SPDYE10: variants seen among roughly 807,000 people sequenced by gnomAD.
The protein encoded by SPDYE10 is speedy protein E10.
chr7:73,147,779 G>A, the SPDYE10 span, among the ~76,000 whole-genome samples: 3 of 150,378 alleles, frequency 2.0e-5, no homozygotes, highest in East Asian at 3.9e-4. Flanking sequence ...ACAGGCATAA[G>A]CCACCATACC....
chr7:73,120,787 CAA>C, the SPDYE10 span, among the ~76,000 whole-genome samples: 719 of 147,426 alleles, frequency 4.9e-3, no homozygotes, highest in Non-Finnish European at 6.4e-3. Context: ...GATTCTGTCT[CAA>C]AAAAAAAAAA....
chr7:73,149,517 A>G, the SPDYE10 span, among the ~76,000 whole-genome samples: 1 of 139,952 alleles, frequency 7.1e-6, no homozygotes, highest in Non-Finnish European at 1.5e-5. Context: ...TCAATCTCCT[A>G]ACCTTGTGAT....
At chr7:73,114,635 C>T in the SPDYE10 span, among the ~76,000 whole-genome samples, 9 of 140,040 alleles carry the variant, frequency 6.4e-5, no homozygotes, top group African/African-American at 1.3e-4. Context: ...CTCCCGGGTT[C>T]GAGCGATTCT....
chr7:73,115,138 C>T, the SPDYE10 span, among the ~76,000 whole-genome samples: 2 of 151,714 alleles, frequency 1.3e-5, no homozygotes, highest in Non-Finnish European at 1.5e-5. Flanking sequence ...TCAGATGAAC[C>T]ACCCGCCTCA....
the SPDYE10 span, among the ~76,000 whole-genome samples, chr7:73,118,150 CAAAA>C: frequency 0.2 from 1,247 of 6,086 alleles, 40 homozygotes; most frequent in East Asian, 0.37. Flanking sequence ...GACTCTCTGT[CAAAA>C]AAAAAAAAAA....
At chr7:73,125,286 T>C in the SPDYE10 span, among the ~76,000 whole-genome samples, 2 of 150,452 alleles carry the variant, frequency 1.3e-5, no homozygotes, top group South Asian at 4.1e-4. Context: ...CCCCTGCCCT[T>C]GACCTCCTCC....
At chr7:73,135,759 C>T in the SPDYE10 span, among the ~76,000 whole-genome samples, 3 of 53,358 alleles carry the variant, frequency 5.6e-5, no homozygotes, top group South Asian at 2.6e-3. Context: ...TTAGTAGAGA[C>T]GGGTTTTCAC....
At chr7:73,114,522 G>A in the SPDYE10 span, among the ~76,000 whole-genome samples, 3 of 149,884 alleles carry the variant, frequency 2.0e-5, no homozygotes, top group East Asian at 2.0e-4. Context: ...TCACTCTCCC[G>A]ATTTAAGCCC....
chr7:73,115,428 G>C, the SPDYE10 span, among the ~76,000 whole-genome samples: 4 of 151,736 alleles, frequency 2.6e-5, no homozygotes, highest in African/African-American at 9.7e-5. Flanking sequence ...GACACCTGGA[G>C]GGTGCCAGGC....
chr7:73,127,683 C>A, the SPDYE10 span, among the ~76,000 whole-genome samples: 1 of 108,690 alleles, frequency 9.2e-6, no homozygotes, highest in African/African-American at 3.3e-5. Context: ...ACAGGCAATT[C>A]ACAGAAGGAA....
chr7:73,137,505 C>G, the SPDYE10 span, among the ~76,000 whole-genome samples: 3 of 132,360 alleles, frequency 2.3e-5, no homozygotes, highest in Non-Finnish European at 3.1e-5. Context: ...CTGGGCAACA[C>G]AGTGAGACTC....
the SPDYE10 span, among the ~76,000 whole-genome samples, chr7:73,152,419 T>C: frequency 7.7e-6 from 1 of 130,054 alleles, no homozygotes; most frequent in Non-Finnish European, 1.6e-5. Context: ...AGGCTCACTC[T>C]ATCACCCAGG....
the SPDYE10 span, among the ~76,000 whole-genome samples, chr7:73,126,596 A>G: frequency 6.8e-6 from 1 of 146,196 alleles, no homozygotes; most frequent in East Asian, 1.9e-4. Context: ...CTCTAAGAAC[A>G]AACAGCATAA....
chr7:73,149,183 T>C, the SPDYE10 span, among the ~76,000 whole-genome samples: 17 of 143,588 alleles, frequency 1.2e-4, no homozygotes, highest in Admixed American at 6.3e-4. Flanking sequence ...GGTTTTGCCA[T>C]GTTGCCCCGC....
chr7:73,135,649 C>T, the SPDYE10 span, among the ~76,000 whole-genome samples: 7 of 108,640 alleles, frequency 6.4e-5, no homozygotes, highest in Middle Eastern at 3.8e-3. Context: ...CCCCACCACT[C>T]GAGTAGCTAG....
At chr7:73,134,553 G>GAA in the SPDYE10 span, among the ~76,000 whole-genome samples, 5 of 152,028 alleles carry the variant, frequency 3.3e-5, no homozygotes, top group African/African-American at 9.7e-5. Flanking sequence ...AAGAAAGAAA[G>GAA]AAAGAAAGAA....
At chr7:73,150,752 C>T in the SPDYE10 span, among the ~76,000 whole-genome samples, 1 of 95,868 alleles carries the variant, frequency 1.0e-5, no homozygotes, top group Non-Finnish European at 2.0e-5. Flanking sequence ...AAAAATTAGC[C>T]GTGGGTGGTG....
At chr7:73,149,569 G>A in the SPDYE10 span, among the ~76,000 whole-genome samples, 2 of 152,156 alleles carry the variant, frequency 1.3e-5, no homozygotes, top group Non-Finnish European at 2.9e-5. Flanking sequence ...TTACAGGCGT[G>A]AGCCATTGTG....
At chr7:73,128,167 T>C in the SPDYE10 span, among the ~76,000 whole-genome samples, 30 of 152,118 alleles carry the variant, frequency 2.0e-4, no homozygotes, top group African/African-American at 7.0e-4. Context: ...CATTATAGTC[T>C]ACGTAGTATC....
Sources: gnomAD v4.1 joint callset for allele counts (sites outside exome capture counted in the v4.1 genomes callset) on GRCh38, gnomAD v4.1.1 for gene constraint, MANE v1.5 for transcripts, NCBI Gene and HGNC (gene_info 2026-07-23, HGNC 2026-07-21) for gene names.